ZDHHC6: variants seen among roughly 807,000 people sequenced by gnomAD.
The protein encoded by ZDHHC6 is palmitoyltransferase ZDHHC6.
A neutral mutation model predicts 57.8 loss-of-function variants in ZDHHC6; 32 were observed. The observed-to-expected ratio is 0.55, with a 90% CI of 0.42 to 0.74. The LOEUF (loss-of-function observed/expected upper bound fraction) is 0.74, where lower values mean the gene tolerates loss of function less well. Among genes scored for constraint, ZDHHC6 ranks in the 30% least tolerant of loss-of-function variants. ZDHHC6 has a pLI of 0.00. For missense variants in ZDHHC6, 433 were observed against 500.7 expected, an observed-to-expected ratio of 0.86 and a Z score of 1.29; for synonymous variants, 128 against 158.0, an observed-to-expected ratio of 0.81 and a Z score of 1.42.
In ZDHHC6 at chr10:112,430,530, A is replaced by G; in HGVS notation, c.*274T>C. On this transcript the variant is annotated 3_prime_UTR_variant, in exon 11 of 11. Transcript: ENST00000369405. ...GTCCAGAGTGTGCAGTGCATAAGAA[A>G]ATCCTACAGAAAATGCCGTTAACTT... 1 of 305,348 alleles carries G rather than the reference A, an allele frequency of 3.3e-6. No homozygotes were observed. The highest frequency in any genetic ancestry group is 6.1e-6 in the Non-Finnish European group (1 of 163,158). 18.9% of individuals were successfully genotyped at this position (305,348 alleles called of 1,614,324 possible). A position where few individuals can be genotyped will look rare whatever the true frequency, so the allele number is the denominator to read the frequency against.
downstream of ZDHHC6, chr10:112,425,663 C>A (rs1186378300): frequency 1.9e-6 from 1 of 523,944 alleles, no homozygotes. Flanking sequence ...TAAAAAATTT[C>A]AAAACTATGA....
chr10:112,443,240 TA>T (rs1266385603), intron 3 of ZDHHC6, among the ~76,000 whole-genome samples: 1 of 152,260 alleles, frequency 6.6e-6, no homozygotes, highest in East Asian at 1.9e-4. Flanking sequence ...TTAAGGTTTA[TA>T]CCTTTTTCCC....
chr10:112,447,288 T>C (rs528822443), upstream of ZDHHC6: 536 of 1,455,564 alleles, frequency 3.7e-4, 5 homozygotes, highest in South Asian at 6.2e-3. Flanking sequence ...CCTTCCGGGG[T>C]TCCTAAGCCG....
chr10:112,428,874 T>C (rs1844844872), downstream of ZDHHC6, among the ~76,000 whole-genome samples: 1 of 152,176 alleles, frequency 6.6e-6, no homozygotes. Context: ...CTGAGATTGT[T>C]AAGAAGACCC....
intron 7 of ZDHHC6, among the ~76,000 whole-genome samples, chr10:112,434,011 A>G (rs1455279595): frequency 6.6e-6 from 1 of 152,150 alleles, no homozygotes; most frequent in Non-Finnish European, 1.5e-5. Context: ...AGGAATGTAT[A>G]AGGAATTCAT....
At chr10:112,427,368 C>G, downstream of ZDHHC6, 1 of 1,605,506 alleles carries the variant, frequency 6.2e-7, no homozygotes, top group Non-Finnish European at 8.5e-7. Context: ...GGATAAGGTA[C>G]TTAAGTACCT....
upstream of ZDHHC6, chr10:112,447,071 C>T: frequency 5.0e-6 from 2 of 396,196 alleles, no homozygotes; most frequent in Admixed American, 6.9e-5. Flanking sequence ...CTAATGATCC[C>T]TCAGAACTTG....
chr10:112,434,156 T>C, intron 7 of ZDHHC6, 141 bp downstream of exon 7: 2 of 804,692 alleles, frequency 2.5e-6, no homozygotes, highest in Non-Finnish European at 3.7e-6. Context: ...CAAGGAGTGC[T>C]TTAGAATTAT....
In ZDHHC6 at chr10:112,446,379, G is replaced by A. The variant is rs77441854; in HGVS notation, c.-215+326C>T. Among the ~76,000 whole-genome samples, 59 of 152,240 alleles carry A rather than the reference G, an allele frequency of 3.9e-4. 3 individuals carry two copies. In the East Asian group the frequency reaches 0.01, roughly 26 times the overall value. On this transcript the variant is annotated intron_variant, in intron 1 of 10. Transcript: ENST00000369405. ...TTCGAGGGAAGAAAGAAGAGGAAGTGCCTCCAGGAGCGAGGGAAATGGAAG... is the reference window on the plus strand; with the variant it reads ...TTCGAGGGAAGAAAGAAGAGGAAGTACCTCCAGGAGCGAGGGAAATGGAAG...
chr10:112,431,180 G>A (rs541645461), intron 10 of ZDHHC6, among the ~76,000 whole-genome samples: 5 of 152,220 alleles, frequency 3.3e-5, no homozygotes, highest in East Asian at 3.9e-4. Context: ...GGGGGAACTC[G>A]GTATGGGTGT....
chr10:112,435,729 A>T (rs954672113), intron 6 of ZDHHC6, among the ~76,000 whole-genome samples: 6 of 152,350 alleles, frequency 3.9e-5, no homozygotes, highest in African/African-American at 4.8e-5. Flanking sequence ...TTTTATAAAC[A>T]CAGCTTCAGA....
At chr10:112,436,766 T>C (rs1022731046) in intron 6 of ZDHHC6, among the ~76,000 whole-genome samples, 13 of 152,236 alleles carry the variant, frequency 8.5e-5, no homozygotes, top group Non-Finnish European at 1.3e-4. Flanking sequence ...AGCAATTCCA[T>C]GTAAGAATGT....
chr10:112,429,459 C>T (rs1844863063), downstream of ZDHHC6, among the ~76,000 whole-genome samples: 1 of 152,150 alleles, frequency 6.6e-6, no homozygotes, highest in Non-Finnish European at 1.5e-5. Context: ...AACATGACTC[C>T]ATCTTACATA....
chr10:112,439,138 G>T (rs746630493), intron 5 of ZDHHC6, among the ~76,000 whole-genome samples: 5 of 152,136 alleles, frequency 3.3e-5, no homozygotes, highest in Non-Finnish European at 7.4e-5. Flanking sequence ...GCAATAAGCC[G>T]AGATCGTGCC....
chr10:112,426,773 G>A, downstream of ZDHHC6: 1 of 1,612,522 alleles, frequency 6.2e-7, no homozygotes, highest in South Asian at 1.1e-5. Context: ...TTTAAGTGAT[G>A]TTTTGTATTC....
downstream of ZDHHC6, chr10:112,426,377 A>G: frequency 6.2e-7 from 1 of 1,605,582 alleles, no homozygotes; most frequent in Non-Finnish European, 8.5e-7. Context: ...TTGCCTAGGA[A>G]AGCTTTATGC....
Position 112,442,260 on chromosome 10 carries a change from C to T in ZDHHC6, c.451G>A (p.Ala151Thr), listed in dbSNP as rs1315761378. Residue 151 changes from alanine to threonine, a missense_variant, in exon 4 of 11, where the codon GCA becomes ACA. Ala to Thr is a moderately conservative substitution (Grantham distance 58). Coordinates refer to ENST00000369405, the MANE Select transcript of ZDHHC6 (RefSeq NM_022494.3). Reference protein sequence around the residue: ...HASFTLFLLLAPLGCIHAAFI... With the variant: ...HASFTLFLLLTPLGCIHAAFI... ...GCAGCATGGATACAACCCAGTGGTG[C>T]TAAAAGGAGAAACAGTGTGAACGAA... 2 of 1,613,922 alleles carry T rather than the reference C, an allele frequency of 1.2e-6. No homozygotes were observed. Among genetic ancestry groups the T allele is most frequent in the South Asian group, 2.2e-5 (2 of 91,050 alleles).
Position 112,440,515 on chromosome 10 carries a change from A to G in ZDHHC6, c.681+19T>C, listed in dbSNP as rs1846002182. Reference sequence around the variant, plus strand: ...CCAACAACTTGACACTTTTGACTTGAGGTAATTGAGATGCTTACCTGGATA... The same window carrying G: ...CCAACAACTTGACACTTTTGACTTGGGGTAATTGAGATGCTTACCTGGATA... On this transcript the variant is annotated intron_variant, in intron 5 of 10. Coordinates refer to ENST00000369405, the MANE Select transcript of ZDHHC6 (RefSeq NM_022494.3). 6.2e-7 allele frequency: 1 copy of G among 1,609,314 alleles called. No homozygotes were observed. Among genetic ancestry groups the G allele is most frequent in the East Asian group, 2.2e-5 (1 of 44,782 alleles).
downstream of ZDHHC6, among the ~76,000 whole-genome samples, chr10:112,429,247 C>T (rs1165861172): frequency 4.6e-5 from 7 of 152,174 alleles, no homozygotes; most frequent in Non-Finnish European, 7.3e-5. Flanking sequence ...CTCGCCTTCA[C>T]TTCCTTTCCT....
Sources: allele counts gnomAD v4.1 joint callset (sites outside exome capture counted in the v4.1 genomes callset), GRCh38; gene constraint gnomAD v4.1.1; transcripts MANE v1.5; gene names NCBI Gene and HGNC (gene_info 2026-07-23, HGNC 2026-07-21).